PLXDC2: variants seen among roughly 807,000 people sequenced by gnomAD.
The protein encoded by PLXDC2 is plexin domain-containing protein 2.
A neutral mutation model predicts 68.9 loss-of-function variants in PLXDC2; 40 were observed. The observed-to-expected ratio is 0.58, with a 90% CI of 0.45 to 0.76. PLXDC2 has a LOEUF of 0.76. Among genes scored for constraint, PLXDC2 ranks in the 30% least tolerant of loss-of-function variants. PLXDC2 has a pLI of 0.00. For missense variants in PLXDC2, 644 were observed against 661.9 expected (o/e 0.97, Z 0.30); for synonymous variants, 243 against 234.2 (o/e 1.04, Z -0.34).
intron 12 of PLXDC2, among the ~76,000 whole-genome samples, chr10:20,240,337 G>A (rs1486291615): frequency 6.6e-6 from 1 of 152,092 alleles, no homozygotes; most frequent in Admixed American, 6.5e-5. Flanking sequence ...ATCTACCGTT[G>A]ATGAGCATTT....
intron 4 of PLXDC2, among the ~76,000 whole-genome samples, chr10:20,083,283 G>A (rs1031437018): frequency 6.6e-6 from 1 of 151,918 alleles, no homozygotes; most frequent in Non-Finnish European, 1.5e-5. Flanking sequence ...ACACCATCCT[G>A]GCTAACATGG....
chr10:19,884,580 A>G (rs1183956025), intron 1 of PLXDC2, among the ~76,000 whole-genome samples: 21 of 138,742 alleles, frequency 1.5e-4, no homozygotes, highest in Non-Finnish European at 6.0e-5. Context: ...TTCAATTCCC[A>G]CCTATGAGTG....
At chr10:20,198,452 A>T (rs1351166672) in intron 9 of PLXDC2, among the ~76,000 whole-genome samples, 2 of 152,020 alleles carry the variant, frequency 1.3e-5, no homozygotes, top group African/African-American at 4.8e-5. Context: ...TTTTTAATTT[A>T]TTTTTAATTT....
At chr10:20,205,368 A>G (rs1465303999) in intron 9 of PLXDC2, among the ~76,000 whole-genome samples, 1 of 152,156 alleles carries the variant, frequency 6.6e-6, no homozygotes, top group Non-Finnish European at 1.5e-5. Flanking sequence ...TAAAAACATT[A>G]AAACCCTGCT....
At chr10:19,883,883 A>ATTTTTTTTTTTTTT (rs1564618531) in intron 1 of PLXDC2, among the ~76,000 whole-genome samples, 4 of 41,902 alleles carry the variant, frequency 9.5e-5, no homozygotes, top group Non-Finnish European at 1.7e-4. Context: ...ATCCCTTTAA[A>ATTTTTTTTTTTTTT]CTTTTTTTTT....
At chr10:19,851,263 C>A (rs1837113320) in intron 1 of PLXDC2, among the ~76,000 whole-genome samples, 1 of 152,130 alleles carries the variant, frequency 6.6e-6, no homozygotes, top group Admixed American at 6.6e-5. Context: ...CCTATAATAA[C>A]CTCTCAAGAC....
chr10:20,078,222 A>C (rs1375928361), intron 4 of PLXDC2, among the ~76,000 whole-genome samples: 3 of 152,162 alleles, frequency 2.0e-5, no homozygotes. Flanking sequence ...TTCAGAAAAA[A>C]AAAATTAAAA....
intron 1 of PLXDC2, among the ~76,000 whole-genome samples, chr10:19,847,803 T>A (rs1837038221): frequency 6.6e-6 from 1 of 152,174 alleles, no homozygotes; most frequent in South Asian, 2.1e-4. Flanking sequence ...AGTCTATATT[T>A]TGGCTTTATT....
At chr10:20,209,093 G>C (rs977559423) in intron 9 of PLXDC2, among the ~76,000 whole-genome samples, 2 of 152,114 alleles carry the variant, frequency 1.3e-5, no homozygotes, top group African/African-American at 4.8e-5. Context: ...TTTCGGGCAC[G>C]CATTGTCATT....
At chr10:19,884,801 C>T (rs1333831261) in intron 1 of PLXDC2, among the ~76,000 whole-genome samples, 8 of 152,068 alleles carry the variant, frequency 5.3e-5, no homozygotes, top group East Asian at 1.9e-4. Flanking sequence ...TGAATAGTGC[C>T]GCAGTAAATA....
intron 4 of PLXDC2, among the ~76,000 whole-genome samples, chr10:20,076,536 C>G: frequency 6.6e-6 from 1 of 152,084 alleles, no homozygotes; most frequent in East Asian, 1.9e-4. Flanking sequence ...ATAGCATATG[C>G]TAATACTGCA....
intron 1 of PLXDC2, among the ~76,000 whole-genome samples, chr10:19,902,980 T>G (rs1311680841): frequency 6.6e-6 from 1 of 152,226 alleles, no homozygotes; most frequent in Non-Finnish European, 1.5e-5. Flanking sequence ...TCACATTTAT[T>G]GACTTACATA....
Position 20,288,945 on chromosome 10 carries a change from C to G in PLXDC2, c.*9126C>G, listed in dbSNP as rs1744466785. The G allele has an allele frequency of 6.6e-6, 1 of 152,158 alleles. No homozygotes were observed. Among genetic ancestry groups the G allele is most frequent in the East Asian group, 1.9e-4 (1 of 5,182 alleles). The allele number at this position is 152,158 out of a possible 1,614,324, so 9.4% of individuals were successfully genotyped here. On this transcript the variant is annotated 3_prime_UTR_variant, in exon 14 of 14. Coordinates refer to ENST00000377252, the MANE Select transcript of PLXDC2 (RefSeq NM_032812.9). ...CATGTTTTTCACTTACAGTAGGAGT[C>G]AACAAATTTGGGATTTTAGAAGGGG...
chr10:19,955,555 G>A (rs779344094), intron 1 of PLXDC2, among the ~76,000 whole-genome samples: 6 of 152,096 alleles, frequency 3.9e-5, no homozygotes, highest in Non-Finnish European at 8.8e-5. Flanking sequence ...ATTAGCCAGA[G>A]TTTCCTTATC....
chr10:20,182,085 G>GTGTA (rs1236753638), intron 9 of PLXDC2, among the ~76,000 whole-genome samples: 27 of 151,500 alleles, frequency 1.8e-4, no homozygotes, highest in African/African-American at 5.6e-4. Flanking sequence ...GTGTGTGTGT[G>GTGTA]TGTGTGTGTG....
intron 9 of PLXDC2, among the ~76,000 whole-genome samples, chr10:20,186,998 G>T (rs78986635): frequency 0.025 from 3,792 of 151,880 alleles, 60 homozygotes; most frequent in Non-Finnish European, 0.032. Context: ...TGTGTCAGGA[G>T]GTACTCAGCT....
chr10:19,868,963 A>T (rs1385020759), intron 1 of PLXDC2, among the ~76,000 whole-genome samples: 2 of 152,136 alleles, frequency 1.3e-5, no homozygotes, highest in Non-Finnish European at 2.9e-5. Flanking sequence ...CTCGGTGATA[A>T]TTTTTTTGTT....
intron 7 of PLXDC2, among the ~76,000 whole-genome samples, chr10:20,169,734 A>C (rs1357011195): frequency 3.3e-5 from 5 of 152,170 alleles, no homozygotes; most frequent in Non-Finnish European, 7.3e-5. Flanking sequence ...TTAATTTGGA[A>C]CAGATAAGGC....
chr10:20,270,028 A>G (rs1405268673), intron 13 of PLXDC2, among the ~76,000 whole-genome samples: 2 of 128,150 alleles, frequency 1.6e-5, no homozygotes, highest in African/African-American at 5.8e-5. Context: ...AAAATAAAAT[A>G]AAATAAAATA....
Sources: allele counts gnomAD v4.1 joint callset (sites outside exome capture counted in the v4.1 genomes callset), GRCh38; gene constraint gnomAD v4.1.1; transcripts MANE v1.5; gene names NCBI Gene and HGNC (gene_info 2026-07-23, HGNC 2026-07-21).